The following NEAT1 variants were observed in gnomAD, a reference collection of about 807,000 sequenced individuals.
The protein encoded by NEAT1 is nuclear paraspeckle assembly transcript 1.
chr11:65,429,750 T>A (rs1048591462), exon 1 of NEAT1: 1 of 113,750 alleles, frequency 8.8e-6, no homozygotes, highest in African/African-American at 3.4e-5. Context: ...ACCCCAAGAG[T>A]ACATAAATAT....
At chr11:65,429,226 G>C (rs1425597333) in exon 1 of NEAT1, 1 of 152,004 alleles carries the variant, frequency 6.6e-6, no homozygotes, top group African/African-American at 2.4e-5. Context: ...CATACATTTC[G>C]AGAAGGAAAT....
exon 1 of NEAT1, chr11:65,433,165 T>A (rs997588112): frequency 6.6e-6 from 1 of 152,236 alleles, no homozygotes; most frequent in Non-Finnish European, 1.5e-5. Context: ...CAAGTGTCTT[T>A]CTGGTATAAT....
exon 1 of NEAT1, chr11:65,437,401 T>C (rs912757194): frequency 2.0e-5 from 3 of 151,988 alleles, no homozygotes; most frequent in African/African-American, 7.3e-5. Flanking sequence ...AATTTTAGCA[T>C]AACAAGTGAC....
chr11:65,425,499 A>G (rs1856552256), exon 1 of NEAT1: 1 of 152,164 alleles, frequency 6.6e-6, no homozygotes, highest in Non-Finnish European at 1.5e-5. Flanking sequence ...GCTGCCCCTT[A>G]GCAACTTAGG....
At chr11:65,441,904 G>A (rs1856718255) in exon 1 of NEAT1, 2 of 152,264 alleles carry the variant, frequency 1.3e-5, no homozygotes, top group African/African-American at 2.4e-5. Context: ...CTGCACAGTC[G>A]AGGGTGTGAG....
At chr11:65,429,154 T>C (rs559907037) in exon 1 of NEAT1, 2 of 152,298 alleles carry the variant, frequency 1.3e-5, no homozygotes, top group Non-Finnish European at 2.9e-5. Flanking sequence ...ATACTTGCGA[T>C]GACTTTCCTT....
exon 1 of NEAT1, chr11:65,433,111 A>G (rs1856627556): frequency 1.3e-5 from 2 of 151,560 alleles, no homozygotes; most frequent in South Asian, 4.2e-4. Flanking sequence ...TCACTGGTTG[A>G]TGGGTTGGTT....
exon 1 of NEAT1, chr11:65,439,210 G>T (rs1335252517): frequency 6.6e-6 from 1 of 152,100 alleles, no homozygotes; most frequent in African/African-American, 2.4e-5. Flanking sequence ...CTGAGCCTTG[G>T]CCCACTTTTT....
exon 1 of NEAT1, chr11:65,437,514 G>A (rs1041934298): frequency 1.3e-5 from 2 of 151,966 alleles, no homozygotes; most frequent in African/African-American, 4.8e-5. Context: ...TTTACATAGT[G>A]TAATCTGCAC....
exon 1 of NEAT1, chr11:65,433,678 T>C (rs1207769824): frequency 1.3e-5 from 2 of 152,066 alleles, no homozygotes; most frequent in African/African-American, 4.8e-5. Flanking sequence ...TCCAGGTCTG[T>C]CAATATTAAC....
At chr11:65,428,590 CA>C (rs1318731674) in exon 1 of NEAT1, 1 of 152,104 alleles carries the variant, frequency 6.6e-6, no homozygotes, top group East Asian at 1.9e-4. Context: ...TCGTATTTAA[CA>C]AAAACATACT....
chr11:65,425,309 A>G (rs1326323438), exon 1 of NEAT1: 1 of 152,114 alleles, frequency 6.6e-6, no homozygotes, highest in African/African-American at 2.4e-5. Flanking sequence ...CCGAGAACCA[A>G]AGGGAGGGGT....
chr11:65,444,625 G>A (rs1487307864), exon 1 of NEAT1: 2 of 434,404 alleles, frequency 4.6e-6, no homozygotes, highest in Non-Finnish European at 4.8e-6. Flanking sequence ...GGCAGAGCCT[G>A]AGCCAACAGC....
exon 1 of NEAT1, chr11:65,444,955 G>A (rs549339476): frequency 1.3e-3 from 247 of 191,960 alleles, no homozygotes; most frequent in Non-Finnish European, 2.1e-3. Flanking sequence ...CCAGGGTGCC[G>A]GAAGTGTCCA....
At chr11:65,442,456 G>GA (rs1251266351) in exon 1 of NEAT1, 2 of 152,400 alleles carry the variant, frequency 1.3e-5, no homozygotes, top group East Asian at 3.9e-4. Flanking sequence ...GGCTATGAAG[G>GA]AAATGGCTGG....
chr11:65,440,804 T>C (rs1359580753), exon 1 of NEAT1: 2 of 143,092 alleles, frequency 1.4e-5, no homozygotes, highest in Non-Finnish European at 1.5e-5. Flanking sequence ...GACCGCACCA[T>C]TGCACTCCAG....
exon 1 of NEAT1, chr11:65,434,705 G>T (rs1294493880): frequency 6.6e-6 from 1 of 152,064 alleles, no homozygotes; most frequent in Non-Finnish European, 1.5e-5. Context: ...GGGTCATAGG[G>T]CGTGAGTCCG....
chr11:65,426,072 A>G (rs116684193), exon 1 of NEAT1: 170 of 152,232 alleles, frequency 1.1e-3, no homozygotes, highest in African/African-American at 3.9e-3. Context: ...TGCCTTTACT[A>G]CATGTGTGAT....
exon 1 of NEAT1, chr11:65,433,761 C>G (rs962253381): frequency 1.3e-5 from 2 of 149,628 alleles, no homozygotes; most frequent in Non-Finnish European, 3.0e-5. Flanking sequence ...ATTTCAATGG[C>G]TTTTGGGGTA....
Sources: allele counts gnomAD v4.1 joint callset, GRCh38; gene constraint gnomAD v4.1.1; transcripts MANE v1.5; gene names NCBI Gene and HGNC (gene_info 2026-07-23, HGNC 2026-07-21).